Variants in MDM4 observed in about 807,000 individuals in gnomAD.
MDM4 encodes MDM4 regulator of p53.
Under a neutral mutation model 60.2 loss-of-function variants are expected in MDM4, and 2 were observed. The observed-to-expected ratio is 0.03, with a 90% CI of 0.01 to 0.10. MDM4 has a LOEUF of 0.10. Among genes scored for constraint, MDM4 ranks in the 10% least tolerant of loss-of-function variants. MDM4 has a pLI of 1.00. For missense variants in MDM4, 447 were observed against 577.5 expected (o/e 0.77, Z 2.32); for synonymous variants, 202 against 198.1 (o/e 1.02, Z -0.17).
At chr1:204,534,814 G>A (rs559774941) in intron 5 of MDM4, among the ~76,000 whole-genome samples, 268 of 151,996 alleles carry the variant, frequency 1.8e-3, no homozygotes, top group Non-Finnish European at 3.2e-3. Flanking sequence ...TTAACTTGTC[G>A]TTTTGAAAAA....
rs1179757163 is a variant in MDM4, at chr1:204,528,745, T to G, written c.154-1939T>G. On this transcript the variant is annotated intron_variant, in intron 3 of 10. Transcript: ENST00000367182. ...CATCAAGCAAGGGAGAATGTTCTTC[T>G]AGAGGGACAGGAAAAGAAGAGAGAG... 1.6e-5 allele frequency: 12 copies of G among 736,388 alleles called. No homozygotes were observed. In the East Asian group the frequency reaches 3.2e-4, roughly 20 times the overall value. The allele number at this position is 736,388 out of a possible 1,614,324, so 45.6% of individuals were successfully genotyped here. A position where few individuals can be genotyped will look rare whatever the true frequency, so the allele number is the denominator to read the frequency against.
chr1:204,517,532 T>A (rs1391054428), intron 1 of MDM4, among the ~76,000 whole-genome samples: 1 of 151,792 alleles, frequency 6.6e-6, no homozygotes, highest in African/African-American at 2.4e-5. Flanking sequence ...GCCTCCCGGG[T>A]CGCTGGGATT....
chr1:204,532,855 CCT>C (rs765419566), intron 5 of MDM4: 3 of 1,592,264 alleles, frequency 1.9e-6, no homozygotes, highest in Non-Finnish European at 1.7e-6. Context: ...GTTTCTTTAC[CCT>C]CTCTATTTTT....
chr1:204,532,136 A>G, intron 4 of MDM4, 55 bp from the exon 5 acceptor site: 7 of 1,036,666 alleles, frequency 6.8e-6, no homozygotes, highest in East Asian at 2.4e-5. Flanking sequence ...CAAACCACTG[A>G]TATCTTCATA....
At chr1:204,525,417 T>C (rs1660026860) in intron 1 of MDM4, 67 bp from the exon 2 acceptor site, 1 of 1,483,756 alleles carries the variant, frequency 6.7e-7, no homozygotes, top group African/African-American at 1.4e-5. Context: ...TGGTTGCCTT[T>C]GTGTGAATGC....
intron 9 of MDM4, among the ~76,000 whole-genome samples, 174 bp downstream of exon 9, chr1:204,544,858 CCT>C (rs1662492269): frequency 6.6e-6 from 1 of 152,116 alleles, no homozygotes; most frequent in Non-Finnish European, 1.5e-5. Context: ...ACCAGGGCTG[CCT>C]TAAAAGCCCC....
intron 6 of MDM4, 157 bp from the exon 7 acceptor site, chr1:204,538,052 G>A (rs1194112198): frequency 2.6e-6 from 2 of 769,186 alleles, no homozygotes; most frequent in South Asian, 1.4e-5. Flanking sequence ...TTGAGGAGAG[G>A]TGTTGCCTTT....
intron 8 of MDM4, among the ~76,000 whole-genome samples, chr1:204,543,462 T>C (rs1435173355): frequency 1.3e-5 from 2 of 152,254 alleles, no homozygotes; most frequent in Non-Finnish European, 1.5e-5. Flanking sequence ...GTTTTGGATA[T>C]ACTAGGCTCC....
At position 204,552,325 on chromosome 1, in the gene MDM4, G is replaced by GTA. The variant is rs1663277707; in HGVS notation, c.*2644_*2645insAT. On this transcript the variant is annotated 3_prime_UTR_variant, in exon 11 of 11. Coordinates refer to ENST00000367182, the MANE Select transcript of MDM4 (RefSeq NM_002393.5). The stretch of plus-strand genomic sequence containing the variant: ...GAAAAATCTCATAATGTCGTTGTTG[G>GTA]TTTTTTTTTTTTTTTTTGAGACAGT... The GTA allele has an allele frequency of 1.7e-5, 2 of 118,580 alleles. No homozygotes were observed. The highest frequency in any genetic ancestry group is 1.8e-4 in the Admixed American group (2 of 10,838). The allele number at this position is 118,580 out of a possible 1,614,324, so 7.3% of individuals were successfully genotyped here.
At chr1:204,539,708 T>A (rs1205069609) in intron 7 of MDM4, among the ~76,000 whole-genome samples, 2 of 151,800 alleles carry the variant, frequency 1.3e-5, no homozygotes, top group Non-Finnish European at 2.9e-5. Flanking sequence ...AGCTAATTTT[T>A]GTATTCTTAG....
chr1:204,542,147 G>A (rs1457121565), intron 7 of MDM4, among the ~76,000 whole-genome samples: 2 of 152,214 alleles, frequency 1.3e-5, no homozygotes, highest in Non-Finnish European at 2.9e-5. Flanking sequence ...AGAGCCCATT[G>A]ATCCAGCGAG....
intron 7 of MDM4, among the ~76,000 whole-genome samples, chr1:204,540,656 G>A (rs988937491): frequency 1.3e-5 from 2 of 151,990 alleles, no homozygotes; most frequent in Non-Finnish European, 2.9e-5. Context: ...CCAGCTACTC[G>A]GGAGGCTGAG....
rs56047802 is a variant in MDM4, at chr1:204,551,461, CTTTTTTTTTTTTTTTTTTTT to C, written c.*1789_*1808del. 1 of 84,100 alleles carries C rather than the reference CTTTTTTTTTTTTTTTTTTTT, an allele frequency of 1.2e-5. No individual in the cohort carries two copies. The highest frequency in any genetic ancestry group is 2.0e-5 in the Non-Finnish European group (1 of 50,306). 5.2% of individuals were successfully genotyped at this position (84,100 alleles called of 1,614,324 possible). On this transcript the variant is annotated 3_prime_UTR_variant, in exon 11 of 11. Coordinates refer to ENST00000367182, the MANE Select transcript of MDM4 (RefSeq NM_002393.5). Reference sequence around the variant, plus strand: ...ATACTGGATGGTTGAGAGGCAGCCTCTTTTTTTTTTTTTTTTTTTTTTTTTTTTTGGAGGATAGGGAGTAT... The same window carrying C: ...ATACTGGATGGTTGAGAGGCAGCCTCTTTTTTTTTGGAGGATAGGGAGTAT...
At chr1:204,523,827 C>T (rs998941388) in intron 1 of MDM4, among the ~76,000 whole-genome samples, 1 of 152,098 alleles carries the variant, frequency 6.6e-6, no homozygotes, top group Non-Finnish European at 1.5e-5. Flanking sequence ...GAGAGCACAC[C>T]TGAACAAGGG....
chr1:204,557,318 TC>T lies in MDM4; in HGVS notation c.*7637del, dbSNP rs1022643886. 5.3e-6 allele frequency: 1 copy of T among 187,364 alleles called. No homozygotes were observed. The highest frequency in any genetic ancestry group is 2.3e-5 in the African/African-American group (1 of 42,714). The allele number at this position is 187,364 out of a possible 1,614,324, so 11.6% of individuals were successfully genotyped here. Reference sequence around the variant, plus strand: ...GGCTCTTGACCAGAAAAGAGTTCTTTCTCTAGGTGTTCTGAGAGAAGTTTGT... The same window carrying T: ...GGCTCTTGACCAGAAAAGAGTTCTTTTCTAGGTGTTCTGAGAGAAGTTTGT... On this transcript the variant is annotated 3_prime_UTR_variant, in exon 11 of 11. Coordinates refer to ENST00000367182, the MANE Select transcript of MDM4 (RefSeq NM_002393.5).
In MDM4 at chr1:204,526,376, C is replaced by T. The variant is rs181171068; in HGVS notation, c.95C>T (p.Pro32Leu). ...TTATATCAGGTACGACCAAAACTGC[C>T]GCTTTTGAAGATTTTGCATGCAGCA... ...GQINQVRPKL[P>L]LLKILHAAGA... is the part of the protein sequence containing the mutation. The change falls in exon 3 of 11, where the codon CCG becomes CTG. Residue 32 changes from proline to leucine, a missense_variant. By Grantham distance (98) the Pro-to-Leu change is moderately conservative. Transcript: ENST00000367182. The T allele has an allele frequency of 5.6e-5, 90 of 1,613,744 alleles. 1 individual carries two copies. The East Asian group carries it at 8.5e-4, about 15-fold the overall frequency.
At chr1:204,543,204 C>T (rs1249630013) in intron 8 of MDM4, among the ~76,000 whole-genome samples, 1 of 152,168 alleles carries the variant, frequency 6.6e-6, no homozygotes, top group South Asian at 2.1e-4. Context: ...CAAAATGGAG[C>T]CTTTGGCTGT....
rs1034936209 is a variant in MDM4, at chr1:204,553,617, TTTAG to T, written c.*3938_*3941del. 5 of 227,978 alleles carry T rather than the reference TTTAG, an allele frequency of 2.2e-5. No homozygotes were observed. Among genetic ancestry groups the T allele is most frequent in the Non-Finnish European group, 4.4e-5 (5 of 114,838 alleles). 14.1% of individuals were successfully genotyped at this position (227,978 alleles called of 1,614,324 possible). On this transcript the variant is annotated 3_prime_UTR_variant, in exon 11 of 11. Transcript: ENST00000367182. ...ACCACATTACCATCAGATTTCTTGT[TTTAG>T]TTGTCAAATTAATATTTATGATTGT... is the stretch of plus-strand genomic sequence containing the variant.
chr1:204,528,265 T>C (rs555263710), intron 3 of MDM4, among the ~76,000 whole-genome samples: 1 of 152,302 alleles, frequency 6.6e-6, no homozygotes, highest in African/African-American at 2.4e-5. Flanking sequence ...GGCAGTAGCC[T>C]GGCCAAAGAT....
Sources: gnomAD v4.1 joint callset for allele counts (sites outside exome capture counted in the v4.1 genomes callset) on GRCh38, gnomAD v4.1.1 for gene constraint, MANE v1.5 for transcripts, NCBI Gene and HGNC (gene_info 2026-07-23, HGNC 2026-07-21) for gene names.